The following ADGRB3 variants were observed in gnomAD, a reference collection of about 807,000 sequenced individuals.
ADGRB3 encodes adhesion G protein-coupled receptor B3.
Under a neutral mutation model 193.4 loss-of-function variants are expected in ADGRB3, and 37 were observed. The observed-to-expected ratio is 0.19, with a 90% CI of 0.15 to 0.25. The LOEUF is 0.25. ADGRB3 is among the 10% of genes least tolerant of loss of function. ADGRB3 has a pLI of 1.00. For synonymous variants in ADGRB3, 690 were observed against 644.2 expected, an observed-to-expected ratio of 1.07 and a Z score of -1.08; for missense variants, 1,637 against 1,852.9, an observed-to-expected ratio of 0.88 and a Z score of 2.14.
chr6:69,122,621 A>C (rs1441535097), intron 17 of ADGRB3, among the ~76,000 whole-genome samples: 2 of 152,064 alleles, frequency 1.3e-5, no homozygotes, highest in African/African-American at 4.8e-5. Context: ...GTCTGCAGAT[A>C]AGTTAAAAAT....
chr6:68,929,129 G>A (rs1215837618), intron 3 of ADGRB3, among the ~76,000 whole-genome samples: 3 of 152,100 alleles, frequency 2.0e-5, no homozygotes, highest in Non-Finnish European at 4.4e-5. Flanking sequence ...GATTTTACAA[G>A]GTCAAACCCA....
chr6:68,918,296 AC>A (rs1428666558), intron 3 of ADGRB3, among the ~76,000 whole-genome samples: 1 of 152,028 alleles, frequency 6.6e-6, no homozygotes, highest in Non-Finnish European at 1.5e-5. Flanking sequence ...GCCGTCCCTA[AC>A]CCCCTTGCCC....
At chr6:68,670,789 G>A (rs1421174308) in intron 3 of ADGRB3, among the ~76,000 whole-genome samples, 1 of 151,812 alleles carries the variant, frequency 6.6e-6, no homozygotes, top group Non-Finnish European at 1.5e-5. Context: ...TTCTATTTCT[G>A]TAAAGAATGT....
chr6:68,876,699 A>T (rs891244845), intron 3 of ADGRB3, among the ~76,000 whole-genome samples: 1 of 152,328 alleles, frequency 6.6e-6, no homozygotes, highest in African/African-American at 2.4e-5. Flanking sequence ...ACCAAAAGCA[A>T]CATTTCAATT....
At position 68,880,012 on chromosome 6, in the gene ADGRB3, C is replaced by A. The variant is rs115129042; in HGVS notation, c.758-50547C>A. On this transcript the variant is annotated intron_variant, in intron 3 of 31. Coordinates refer to ENST00000370598, the MANE Select transcript of ADGRB3 (RefSeq NM_001704.3). The stretch of plus-strand genomic sequence containing the variant: ...GCCAAATAAATTGTGAGACATAAAC[C>A]AATTTTAATAAAATAGAATTTTGTG... Among the ~76,000 whole-genome samples, 511 of 152,230 alleles carry A rather than the reference C, an allele frequency of 3.4e-3. 4 individuals are homozygous for A. The highest frequency in any genetic ancestry group is 0.011 in the African/African-American group (444 of 41,546).
At chr6:68,848,243 T>C (rs1283799842) in intron 3 of ADGRB3, among the ~76,000 whole-genome samples, 2 of 152,136 alleles carry the variant, frequency 1.3e-5, no homozygotes. Flanking sequence ...ATACTGGTTA[T>C]TCAGTCCAAT....
intron 15 of ADGRB3, among the ~76,000 whole-genome samples, chr6:69,060,018 G>A (rs569354868): frequency 2.7e-4 from 41 of 152,104 alleles, no homozygotes; most frequent in African/African-American, 5.1e-4. Flanking sequence ...AAAGACATGC[G>A]TAGAATTGAT....
chr6:68,779,074 AT>A (rs564106662), intron 3 of ADGRB3, among the ~76,000 whole-genome samples: 75 of 152,096 alleles, frequency 4.9e-4, no homozygotes, highest in African/African-American at 1.8e-3. Context: ...ATTAACAATG[AT>A]TTTTTAAAAT....
intron 22 of ADGRB3, among the ~76,000 whole-genome samples, chr6:69,330,230 C>A (rs1768685215): frequency 6.6e-6 from 1 of 152,158 alleles, no homozygotes; most frequent in Non-Finnish European, 1.5e-5. Flanking sequence ...ATAGAAACCT[C>A]ATTGCAATAG....
At chr6:69,354,907 T>G (rs953615732) in intron 27 of ADGRB3, among the ~76,000 whole-genome samples, 13 of 152,220 alleles carry the variant, frequency 8.5e-5, no homozygotes, top group African/African-American at 2.9e-4. Context: ...TATAACCACT[T>G]TGATGTATTT....
intron 17 of ADGRB3, among the ~76,000 whole-genome samples, chr6:69,088,553 T>C (rs993495573): frequency 6.6e-6 from 1 of 152,240 alleles, no homozygotes; most frequent in African/African-American, 2.4e-5. Context: ...TTTGTATTAT[T>C]AGTAGAGATG....
intron 3 of ADGRB3, among the ~76,000 whole-genome samples, chr6:68,894,728 G>A (rs1429529610): frequency 1.3e-5 from 2 of 151,932 alleles, no homozygotes; most frequent in African/African-American, 4.8e-5. Context: ...TCTGATCTCA[G>A]AAATTTAAAT....
intron 26 of ADGRB3, among the ~76,000 whole-genome samples, chr6:69,349,708 C>T (rs1769181831): frequency 6.6e-6 from 1 of 152,070 alleles, no homozygotes; most frequent in South Asian, 2.1e-4. Flanking sequence ...AAACTCTTCT[C>T]CCCCGAAGGA....
intron 26 of ADGRB3, among the ~76,000 whole-genome samples, chr6:69,340,710 C>T (rs1469943998): frequency 6.6e-6 from 1 of 152,112 alleles, no homozygotes; most frequent in Non-Finnish European, 1.5e-5. Context: ...TGGTTTGCTG[C>T]ACCCATCAAC....
At chr6:69,363,340 T>C (rs1442848228) in intron 29 of ADGRB3, among the ~76,000 whole-genome samples, 5 of 152,016 alleles carry the variant, frequency 3.3e-5, no homozygotes, top group Admixed American at 3.3e-4. Flanking sequence ...TAGTAATTGC[T>C]TAGGGTGACT....
intron 24 of ADGRB3, among the ~76,000 whole-genome samples, chr6:69,335,859 AT>A (rs1398583972): frequency 2.0e-5 from 3 of 152,018 alleles, no homozygotes; most frequent in African/African-American, 7.2e-5. Flanking sequence ...TCCTTCTCCC[AT>A]TTTTTCTGTT....
Position 69,339,514 on chromosome 6 carries a change from A to G in ADGRB3, c.3459+10A>G. 1 of 1,610,300 alleles carries G rather than the reference A, an allele frequency of 6.2e-7. No homozygotes were observed. On this transcript the variant is annotated intron_variant, in intron 26 of 31. Transcript: ENST00000370598. ...CATTCTTCGGAGAGAGGTGAGAAGC[A>G]TTCTTGTGATAGAGAACAGTGATGG...
intron 17 of ADGRB3, among the ~76,000 whole-genome samples, chr6:69,106,178 A>AAAAAAAAG (rs1773207705): frequency 6.7e-6 from 1 of 149,546 alleles, no homozygotes; most frequent in Non-Finnish European, 1.5e-5. Flanking sequence ...AAAAAAAAAA[A>AAAAAAAAG]AAAAAGAAAA....
chr6:69,234,865 T>C (rs1397417815), intron 18 of ADGRB3, among the ~76,000 whole-genome samples, 167 bp from the exon 19 acceptor site: 2 of 152,110 alleles, frequency 1.3e-5, no homozygotes, highest in African/African-American at 2.4e-5. Context: ...ATTAGTATTT[T>C]TAGAGGTTGA....
Sources: allele counts gnomAD v4.1 joint callset (sites outside exome capture counted in the v4.1 genomes callset), GRCh38; gene constraint gnomAD v4.1.1; transcripts MANE v1.5; gene names NCBI Gene and HGNC (gene_info 2026-07-23, HGNC 2026-07-21).